The following COA1 variants were observed in gnomAD, a reference collection of about 807,000 sequenced individuals.
COA1 encodes cytochrome c oxidase assembly factor 1 homolog.
COA1 carries 13 observed loss-of-function variants against 16.0 expected under a neutral mutation model. The ratio of observed to expected loss-of-function variants is 0.81; its 90% CI spans 0.53 to 1.29. COA1 has a LOEUF of 1.29. COA1 is among the 50% of genes most tolerant of loss of function. COA1 has a pLI of 0.00. For missense variants in COA1, 179 were observed against 177.0 expected, an observed-to-expected ratio of 1.01 and a Z score of -0.06; for synonymous variants, 65 against 65.7, an observed-to-expected ratio of 0.99 and a Z score of 0.05.
intron 1 of COA1, 22 bp from the exon 2 acceptor site, chr7:43,648,674 C>T (rs900101246): frequency 1.3e-6 from 2 of 1,562,004 alleles, no homozygotes; most frequent in Non-Finnish European, 1.8e-6. Context: ...AAAGATTTTA[C>T]ATTAAAATCA....
At chr7:43,720,353 T>G (rs2095481331) in intron 1 of COA1, among the ~76,000 whole-genome samples, 1 of 152,152 alleles carries the variant, frequency 6.6e-6, no homozygotes, top group African/African-American at 2.4e-5. Flanking sequence ...TAATGTTGCA[T>G]CCCTGCCTTT....
At chr7:43,702,937 T>C (rs943814787) in intron 1 of COA1, among the ~76,000 whole-genome samples, 3 of 152,190 alleles carry the variant, frequency 2.0e-5, no homozygotes, top group African/African-American at 7.2e-5. Flanking sequence ...CTAGGTGTGG[T>C]GTTGGGTCAT....
downstream of COA1, among the ~76,000 whole-genome samples, chr7:43,636,217 C>A (rs1287219695): frequency 6.6e-6 from 1 of 152,192 alleles, no homozygotes; most frequent in African/African-American, 2.4e-5. Context: ...ACAGTGCTTT[C>A]AACTCAGGAA....
At chr7:43,702,741 G>A (rs551321572) in intron 1 of COA1, among the ~76,000 whole-genome samples, 2 of 151,914 alleles carry the variant, frequency 1.3e-5, no homozygotes, top group African/African-American at 4.8e-5. Context: ...TGTTTATTTG[G>A]ATTTTCTCTT....
intron 1 of COA1, among the ~76,000 whole-genome samples, chr7:43,662,895 G>A (rs2092578111): frequency 6.6e-6 from 1 of 152,264 alleles, no homozygotes; most frequent in East Asian, 1.9e-4. Flanking sequence ...TATCTCAACT[G>A]CTCTGTTATT....
At chr7:43,716,898 T>C (rs976756974) in intron 1 of COA1, among the ~76,000 whole-genome samples, 1 of 152,204 alleles carries the variant, frequency 6.6e-6, no homozygotes, top group South Asian at 2.1e-4. Flanking sequence ...ATGCAGAGCT[T>C]GGGTTGTGGC....
intron 1 of COA1, among the ~76,000 whole-genome samples, chr7:43,696,934 C>T (rs1025954795): frequency 1.3e-5 from 2 of 151,880 alleles, no homozygotes; most frequent in African/African-American, 2.4e-5. Flanking sequence ...ACCATCCTGG[C>T]CAAAATGGTG....
chr7:43,701,867 CAT>C (rs1250684311), intron 1 of COA1, among the ~76,000 whole-genome samples: 3 of 151,974 alleles, frequency 2.0e-5, no homozygotes, highest in African/African-American at 4.8e-5. Context: ...GTTTGTTGGC[CAT>C]ATATATGTCT....
chr7:43,671,594 A>C (rs73108665), intron 1 of COA1, among the ~76,000 whole-genome samples: 16,932 of 152,234 alleles, frequency 0.11, 1,060 homozygotes, highest in Admixed American at 0.19. Context: ...ACAAATGGAA[A>C]AACACTCCAT....
chr7:43,637,939 A>G (rs1264242094), downstream of COA1, among the ~76,000 whole-genome samples: 1 of 152,236 alleles, frequency 6.6e-6, no homozygotes, highest in African/African-American at 2.4e-5. Flanking sequence ...CAGAGAACAG[A>G]CAGATAGGAA....
intron 6 of COA1, among the ~76,000 whole-genome samples, chr7:43,633,804 AT>A (rs34223598): frequency 0.15 from 23,051 of 149,798 alleles, 2,345 homozygotes; most frequent in Non-Finnish European, 0.23. Flanking sequence ...ACTCTCAGCC[AT>A]TTTTTTTTTC....
chr7:43,720,453 C>G (rs2095484140), intron 1 of COA1, among the ~76,000 whole-genome samples: 1 of 151,282 alleles, frequency 6.6e-6, no homozygotes, highest in Admixed American at 6.6e-5. Context: ...TTTTCAGAAA[C>G]TTACAAACTT....
intron 1 of COA1, among the ~76,000 whole-genome samples, chr7:43,678,217 T>C (rs2093621445): frequency 1.3e-5 from 2 of 152,074 alleles, no homozygotes; most frequent in South Asian, 4.1e-4. Context: ...TAGTAAGAAA[T>C]TACCAAGTAA....
intron 1 of COA1, among the ~76,000 whole-genome samples, chr7:43,663,512 T>C (rs1407773985): frequency 6.6e-6 from 1 of 151,554 alleles, no homozygotes; most frequent in Non-Finnish European, 1.5e-5. Flanking sequence ...CATCAAAAAC[T>C]AAAGACAAAA....
intron 1 of COA1, among the ~76,000 whole-genome samples, chr7:43,671,439 C>T (rs1245694767): frequency 2.0e-5 from 3 of 151,408 alleles, no homozygotes; most frequent in African/African-American, 7.3e-5. Context: ...AAAGACAACC[C>T]AATTAAAAAT....
downstream of COA1, chr7:43,639,011 G>GTGTC: frequency 6.6e-6 from 1 of 152,432 alleles, no homozygotes; most frequent in Admixed American, 6.5e-5. Context: ...CAGATGGTTG[G>GTGTC]TGTCTGAAAT....
chr7:43,690,381 A>C (rs1035790465), intron 1 of COA1, among the ~76,000 whole-genome samples: 3 of 152,204 alleles, frequency 2.0e-5, no homozygotes, highest in African/African-American at 4.8e-5. Context: ...GAGTGGATAA[A>C]GAAAATGTGG....
At chr7:43,714,679 TC>T (rs1430620473) in intron 1 of COA1, among the ~76,000 whole-genome samples, 4 of 149,828 alleles carry the variant, frequency 2.7e-5, no homozygotes, top group Admixed American at 6.6e-5. Flanking sequence ...ATGATTTGTA[TC>T]TGACACAGAC....
At chr7:43,654,791 C>T (rs1441856977) in intron 1 of COA1, among the ~76,000 whole-genome samples, 1 of 152,136 alleles carries the variant, frequency 6.6e-6, no homozygotes, top group Non-Finnish European at 1.5e-5. Context: ...GTTCCAGTTC[C>T]GTTCACCAAC....
Sources: allele counts gnomAD v4.1 joint callset (sites outside exome capture counted in the v4.1 genomes callset), GRCh38; gene constraint gnomAD v4.1.1; transcripts MANE v1.5; gene names NCBI Gene and HGNC (gene_info 2026-07-23, HGNC 2026-07-21).